CSMD1: variants seen among roughly 807,000 people sequenced by gnomAD.
The protein encoded by CSMD1 is CUB and sushi domain-containing protein 1.
Under a neutral mutation model 417.5 loss-of-function variants are expected in CSMD1, and 213 were observed. The observed-to-expected ratio is 0.51, with a 90% CI of 0.46 to 0.57. The LOEUF (loss-of-function observed/expected upper bound fraction) is 0.57. Among genes scored for constraint, CSMD1 ranks in the 20% least tolerant of loss-of-function variants. CSMD1 has a pLI of 0.00. For synonymous variants in CSMD1, 2,862 were observed against 1,736.8 expected, an observed-to-expected ratio of 1.65 and a Z score of -16.11; for missense variants, 6,923 against 4,529.7, an observed-to-expected ratio of 1.53 and a Z score of -15.17.
intron 4 of CSMD1, among the ~76,000 whole-genome samples, chr8:4,000,714 T>C (rs1160791044): frequency 3.3e-5 from 5 of 152,028 alleles, no homozygotes; most frequent in Non-Finnish European, 5.9e-5. Context: ...ATTTCCAGAG[T>C]AATAATTGTT....
At chr8:4,085,751 G>C (rs2554648) in intron 3 of CSMD1, among the ~76,000 whole-genome samples, 1,915 of 152,268 alleles carry the variant, frequency 0.013, 42 homozygotes, top group African/African-American at 0.042. Flanking sequence ...ATGGAGGGAA[G>C]ATGTGTGGCT....
chr8:3,822,738 G>C (rs1020208321), intron 5 of CSMD1, among the ~76,000 whole-genome samples: 3 of 152,152 alleles, frequency 2.0e-5, no homozygotes, highest in African/African-American at 7.2e-5. Context: ...GTTTTGTTTG[G>C]CACCAAAGTG....
intron 3 of CSMD1, among the ~76,000 whole-genome samples, chr8:4,111,096 A>G (rs1242038962): frequency 6.6e-6 from 1 of 152,124 alleles, no homozygotes; most frequent in Non-Finnish European, 1.5e-5. Flanking sequence ...GTATCTTTCA[A>G]GGATTCCTTC....
At position 2,963,378 on chromosome 8, in the gene CSMD1, G is replaced by A; in HGVS notation, c.9298C>T (p.Pro3100Ser). 6.2e-7 allele frequency: 1 copy of A among 1,613,880 alleles called. No homozygotes were observed. Among genetic ancestry groups the A allele is most frequent in the Non-Finnish European group, 8.5e-7 (1 of 1,179,822 alleles). ...PVCKAVLCPQ[P>S]PPVQNGTVEG... ...ACTGTTCCATTCTGCACCGGCGGCG[G>A]CTGAGGACACAGCACGGCTATTTCC... The change falls in exon 60 of 70, where the codon CCG (proline) becomes TCG (serine). Residue 3100 changes from proline to serine, a missense_variant. By Grantham distance (74) the Pro-to-Ser change is moderately conservative. Transcript: ENST00000635120.
chr8:4,412,040 A>C (rs1796679025), intron 3 of CSMD1, among the ~76,000 whole-genome samples: 1 of 150,930 alleles, frequency 6.6e-6, no homozygotes, highest in South Asian at 2.1e-4. Flanking sequence ...TGATTAGCTA[A>C]ATATCTCAAT....
intron 1 of CSMD1, among the ~76,000 whole-genome samples, chr8:4,712,424 G>A (rs1429016124): frequency 6.6e-6 from 1 of 152,096 alleles, no homozygotes; most frequent in East Asian, 1.9e-4. Context: ...AAGGATGCAG[G>A]ACTACCTACT....
At chr8:3,319,953 G>T (rs745428421) in intron 23 of CSMD1, among the ~76,000 whole-genome samples, 31 of 151,950 alleles carry the variant, frequency 2.0e-4, no homozygotes, top group Non-Finnish European at 4.4e-4. Context: ...TTAATTTATT[G>T]TTATCACCTT....
At chr8:4,002,873 G>T (rs1485995183) in intron 4 of CSMD1, among the ~76,000 whole-genome samples, 2 of 152,112 alleles carry the variant, frequency 1.3e-5, no homozygotes, top group Non-Finnish European at 2.9e-5. Flanking sequence ...TAAATAATGG[G>T]TAACTTGTTA....
At chr8:4,465,021 G>A (rs1007828291) in intron 2 of CSMD1, among the ~76,000 whole-genome samples, 2 of 151,970 alleles carry the variant, frequency 1.3e-5, no homozygotes, top group Non-Finnish European at 2.9e-5. Context: ...GGGAAAGGAA[G>A]AAAATAGGAA....
intron 21 of CSMD1, among the ~76,000 whole-genome samples, chr8:3,355,069 A>C (rs1392124379): frequency 1.3e-5 from 2 of 152,036 alleles, no homozygotes; most frequent in Non-Finnish European, 2.9e-5. Flanking sequence ...AATCCATTCA[A>C]AAACTGAGGA....
chr8:3,121,890 G>T (rs1256880503), intron 41 of CSMD1, among the ~76,000 whole-genome samples: 1 of 152,034 alleles, frequency 6.6e-6, no homozygotes, highest in Non-Finnish European at 1.5e-5. Flanking sequence ...TAATTTATAT[G>T]ATAAAACTTA....
At chr8:3,705,915 C>T (rs1030442574) in intron 7 of CSMD1, among the ~76,000 whole-genome samples, 15 of 152,206 alleles carry the variant, frequency 9.9e-5, no homozygotes, top group Non-Finnish European at 1.5e-4. Context: ...ATGAAATCCT[C>T]ATGTCAGCAA....
intron 3 of CSMD1, among the ~76,000 whole-genome samples, chr8:4,115,220 C>G (rs978129184): frequency 1.1e-4 from 17 of 152,200 alleles, no homozygotes; most frequent in Non-Finnish European, 2.4e-4. Flanking sequence ...TCAGCAGCCA[C>G]CAACATTGAG....
chr8:4,885,786 T>G (rs940185549), intron 1 of CSMD1, among the ~76,000 whole-genome samples: 6 of 151,972 alleles, frequency 3.9e-5, no homozygotes, highest in Non-Finnish European at 7.4e-5. Flanking sequence ...TCCTTTCATG[T>G]GCAAAGTTTT....
At chr8:4,608,281 G>A (rs1800988990) in intron 2 of CSMD1, among the ~76,000 whole-genome samples, 1 of 152,298 alleles carries the variant, frequency 6.6e-6, no homozygotes, top group East Asian at 1.9e-4. Context: ...TGCACCGTGG[G>A]CTAAGGAGGC....
At chr8:4,573,809 G>C (rs143307808) in intron 2 of CSMD1, among the ~76,000 whole-genome samples, 1,784 of 152,294 alleles carry the variant, frequency 0.012, 16 homozygotes, top group Non-Finnish European at 0.019. Context: ...TTTCTTTCAG[G>C]GATGACCTGC....
At chr8:3,108,563 G>C (rs778337392) in intron 44 of CSMD1, 40 bp downstream of exon 44, 17 of 1,604,044 alleles carry the variant, frequency 1.1e-5, no homozygotes, top group Admixed American at 5.0e-5. Flanking sequence ...ACACCACATG[G>C]AATTCTCAGT....
chr8:3,232,692 CT>C (rs1460541876), intron 26 of CSMD1, among the ~76,000 whole-genome samples: 1 of 152,062 alleles, frequency 6.6e-6, no homozygotes, highest in Non-Finnish European at 1.5e-5. Flanking sequence ...GTTTAGTCTC[CT>C]TATGTGCCCT....
chr8:3,505,988 T>C (rs981155205), intron 10 of CSMD1, among the ~76,000 whole-genome samples: 2 of 152,182 alleles, frequency 1.3e-5, no homozygotes, highest in Non-Finnish European at 2.9e-5. Context: ...TGGATAAAAA[T>C]ACACGTATGT....
Sources: gnomAD v4.1 joint callset for allele counts (sites outside exome capture counted in the v4.1 genomes callset) on GRCh38, gnomAD v4.1.1 for gene constraint, MANE v1.5 for transcripts, NCBI Gene and HGNC (gene_info 2026-07-23, HGNC 2026-07-21) for gene names.